Variants in ANXA9 observed in about 807,000 individuals in gnomAD.
ANXA9 encodes the protein annexin 31.
A neutral mutation model predicts 51.8 loss-of-function variants in ANXA9; 47 were observed. The observed-to-expected ratio is 0.91, with a 90% CI of 0.72 to 1.16. The LOEUF (loss-of-function observed/expected upper bound fraction) is 1.16. Ranked by LOEUF, ANXA9 falls within the 50% of genes most tolerant of loss-of-function variation. The pLI is 0.00. For missense variants in ANXA9, 361 were observed against 424.7 expected (o/e 0.85, Z 1.32); for synonymous variants, 154 against 168.7 (o/e 0.91, Z 0.68).
chr1:150,983,954 A>G, intron 4 of ANXA9, 21 bp from the exon 5 acceptor site: 1 of 1,606,104 alleles, frequency 6.2e-7, no homozygotes, highest in Middle Eastern at 1.7e-4. Context: ...TGCTCACAGC[A>G]CAGCCCTCAT....
chr1:150,977,803 A>G (rs984170454), upstream of ANXA9, among the ~76,000 whole-genome samples: 1 of 152,224 alleles, frequency 6.6e-6, no homozygotes, highest in Non-Finnish European at 1.5e-5. Context: ...AGGAGTTTCT[A>G]TGTATTCTGA....
chr1:150,988,243 T>G, intron 11 of ANXA9, 40 bp from the exon 12 acceptor site: 1 of 1,614,154 alleles, frequency 6.2e-7, no homozygotes, highest in Non-Finnish European at 8.5e-7. Flanking sequence ...GAGATTGTGG[T>G]CCTAGTTGTG....
At chr1:150,993,935 G>A (rs895498093) in intron 12 of ANXA9, among the ~76,000 whole-genome samples, 1 of 151,954 alleles carries the variant, frequency 6.6e-6, no homozygotes, top group African/African-American at 2.4e-5. Context: ...TGCCTGGCCT[G>A]TTATTTCTAA....
At chr1:150,989,813 A>G (rs587666446) in intron 12 of ANXA9, among the ~76,000 whole-genome samples, 1 of 152,216 alleles carries the variant, frequency 6.6e-6, no homozygotes, top group Admixed American at 6.5e-5. Context: ...AGAGATTTCT[A>G]TCTTGACAGT....
chr1:150,983,890 C>A (rs1671483294), intron 4 of ANXA9, 85 bp from the exon 5 acceptor site: 6 of 1,341,350 alleles, frequency 4.5e-6, no homozygotes, highest in Non-Finnish European at 6.2e-6. Flanking sequence ...CAGCCCTCTC[C>A]TGGAGCGCCT....
chr1:150,989,748 G>A (rs1340234870), intron 12 of ANXA9, among the ~76,000 whole-genome samples: 1 of 152,166 alleles, frequency 6.6e-6, no homozygotes, highest in Non-Finnish European at 1.5e-5. Context: ...AAGCCATCAT[G>A]CCATGTTGAT....
chr1:150,986,235 A>G, intron 7 of ANXA9, 101 bp from the exon 8 acceptor site: 1 of 989,356 alleles, frequency 1.0e-6, no homozygotes, highest in Non-Finnish European at 1.6e-6. Context: ...AGGGGCTAGC[A>G]GGGCTGGCAG....
intron 7 of ANXA9, among the ~76,000 whole-genome samples, 155 bp downstream of exon 7, chr1:150,984,831 A>T (rs1302218497): frequency 6.6e-6 from 1 of 151,906 alleles, no homozygotes. Context: ...CCAGTGCCTC[A>T]GTCTCTCAGG....
chr1:150,983,304 C>T (rs1290245153), intron 3 of ANXA9, 34 bp from the exon 4 acceptor site: 38 of 1,609,994 alleles, frequency 2.4e-5, no homozygotes, highest in Non-Finnish European at 3.2e-5. Context: ...GCAGCCTGGC[C>T]CTGGCCCTTG....
Position 150,983,071 on chromosome 1 carries a change from C to A in ANXA9, c.-16-19C>A. Reference sequence around the variant, plus strand: ...GGGCCAGGAAATTCAGCTCTGTGGGCTCCTGTTTCCTTCCCCAGGGCAACC... The same window carrying A: ...GGGCCAGGAAATTCAGCTCTGTGGGATCCTGTTTCCTTCCCCAGGGCAACC... On this transcript the variant is annotated intron_variant, in intron 2 of 13. Transcript: ENST00000368947. The A allele has an allele frequency of 6.2e-7, 1 of 1,601,692 alleles. No homozygotes were observed. The highest frequency in any genetic ancestry group is 8.5e-7 in the Non-Finnish European group (1 of 1,170,844).
rs753432922 is a variant in ANXA9 at position 150,984,001 on chromosome 1, G to T, written c.199G>T (p.Val67Leu). The T allele has an allele frequency of 6.2e-7, 1 of 1,612,792 alleles. No individual in the cohort carries two copies. Among genetic ancestry groups the T allele is most frequent in the Non-Finnish European group, 8.5e-7 (1 of 1,179,674 alleles). ...QGVDRSAIVD[V>L]LTNRSREQRQ... is the part of the protein sequence containing the mutation. ...CGTGGACCGCAGTGCCATTGTGGAC[G>T]TGCTGACCAACCGGAGCAGAGAGCA... is the stretch of plus-strand genomic sequence containing the variant. The change falls in exon 5 of 14, where the codon GTG (valine) becomes TTG (leucine). Residue 67 changes from valine to leucine, a missense_variant. Val to Leu is a conservative substitution (Grantham distance 32). Transcript: ENST00000368947.
In ANXA9 at chr1:150,983,448, C is replaced by T; in HGVS notation, c.172+14C>T. 6.3e-7 allele frequency: 1 copy of T among 1,597,994 alleles called. No homozygotes were observed. The highest frequency in any genetic ancestry group is 1.3e-5 in the African/African-American group (1 of 74,690). On this transcript the variant is annotated intron_variant, in intron 4 of 13. Coordinates refer to ENST00000368947, the MANE Select transcript of ANXA9 (RefSeq NM_003568.3). ...TTACTGGCCAAGGTGAGCCCCTTTC[C>T]CCCGGCACTTGAGACTGCCTTTTAG...
rs778414328 is a variant in ANXA9, at chr1:150,988,138, G to A, written c.745G>A (p.Val249Ile). 3.7e-6 allele frequency: 6 copies of A among 1,614,220 alleles called. No individual in the cohort carries two copies. Among genetic ancestry groups the A allele is most frequent in the Non-Finnish European group, 4.2e-6 (5 of 1,180,046 alleles). The change falls in exon 11 of 14, where the codon GTC becomes ATC. Residue 249 changes from valine to isoleucine, a missense_variant. By Grantham distance (29) the Val-to-Ile change is conservative. Transcript: ENST00000368947. ...RSTGQELEEA[V>I]QNRFHGDAQV... The stretch of plus-strand genomic sequence containing the variant: ...CACTGGGCAAGAGCTGGAGGAGGCT[G>A]TCCAGAACCGTTTCCATGGAGATGC...
chr1:150,979,198 G>C (rs1460476373), upstream of ANXA9, among the ~76,000 whole-genome samples: 1 of 151,200 alleles, frequency 6.6e-6, no homozygotes, highest in African/African-American at 2.4e-5. Flanking sequence ...CAAGGACTTC[G>C]CTTCTGCCAT....
At chr1:150,983,651 G>A (rs1671475759) in intron 4 of ANXA9, among the ~76,000 whole-genome samples, 1 of 152,138 alleles carries the variant, frequency 6.6e-6, no homozygotes, top group Non-Finnish European at 1.5e-5. Flanking sequence ...AGGAAACTGG[G>A]GCTCAGGGAG....
intron 9 of ANXA9, among the ~76,000 whole-genome samples, 166 bp downstream of exon 9, chr1:150,986,827 C>T (rs587728681): frequency 5.9e-5 from 9 of 152,224 alleles, no homozygotes; most frequent in East Asian, 5.8e-4. Flanking sequence ...TGTCAGGTAG[C>T]GTCATAGCTG....
At chr1:150,984,147 G>A (rs41310861) in intron 5 of ANXA9, 78 bp downstream of exon 5, 50,871 of 1,539,622 alleles carry the variant, frequency 0.033, 1,019 homozygotes, top group Non-Finnish European at 0.039. Context: ...AGCAACAGCC[G>A]CTGAGGCCAG....
chr1:150,984,525 C>T, intron 6 of ANXA9, 61 bp from the exon 7 acceptor site: 1 of 1,526,510 alleles, frequency 6.6e-7, no homozygotes, highest in South Asian at 1.1e-5. Flanking sequence ...CAGCGTCTGC[C>T]CCTCTGTCTG....
At position 150,994,127 on chromosome 1, in the gene ANXA9, A is replaced by C. The variant is rs776397516; in HGVS notation, c.853-450A>C. Reference sequence around the variant, plus strand: ...GTCACACAACCTTGAACCCTATCAGAGCCTCATCAGCTCAGTTTAGGGATA... The same window carrying C: ...GTCACACAACCTTGAACCCTATCAGCGCCTCATCAGCTCAGTTTAGGGATA... On this transcript the variant is annotated intron_variant, in intron 12 of 13. Coordinates refer to ENST00000368947, the MANE Select transcript of ANXA9 (RefSeq NM_003568.3). 2.2e-4 allele frequency among the ~76,000 whole-genome samples: 33 copies of C among 152,192 alleles called. 1 individual carries two copies. The highest frequency in any genetic ancestry group is 1.6e-3 in the Admixed American group (24 of 15,268).
Sources: gnomAD v4.1 joint callset for allele counts (sites outside exome capture counted in the v4.1 genomes callset) on GRCh38, gnomAD v4.1.1 for gene constraint, MANE v1.5 for transcripts, NCBI Gene and HGNC (gene_info 2026-07-23, HGNC 2026-07-21) for gene names.